The following SVOP variants were observed in gnomAD, a reference collection of about 807,000 sequenced individuals.
SVOP encodes synaptic vesicle 2-related protein.
Under a neutral mutation model 69.1 loss-of-function variants are expected in SVOP, and 17 were observed. The observed-to-expected ratio is 0.25, with a 90% CI of 0.17 to 0.37. The LOEUF is 0.37. Among genes scored for constraint, SVOP ranks in the 10% least tolerant of loss-of-function variants. The pLI is 1.00. For synonymous variants in SVOP, 238 were observed against 238.6 expected, an observed-to-expected ratio of 1.00 and a Z score of 0.02; for missense variants, 435 against 597.5, an observed-to-expected ratio of 0.73 and a Z score of 2.84.
At chr12:108,929,222 C>T (rs2039800788) in intron 11 of SVOP, among the ~76,000 whole-genome samples, 1 of 152,232 alleles carries the variant, frequency 6.6e-6, no homozygotes, top group African/African-American at 2.4e-5. Flanking sequence ...AGTCATAAAA[C>T]CAGGATGAAT....
chr12:108,923,783 C>T (rs148852871), intron 11 of SVOP, among the ~76,000 whole-genome samples: 8 of 152,146 alleles, frequency 5.3e-5, no homozygotes, highest in East Asian at 1.9e-4. Context: ...TTATTGAAAG[C>T]GAATTGGAGT....
At chr12:108,957,166 G>T (rs1001064378) in intron 6 of SVOP, among the ~76,000 whole-genome samples, 7 of 152,156 alleles carry the variant, frequency 4.6e-5, no homozygotes, top group African/African-American at 1.7e-4. Context: ...AAGAGTCTCA[G>T]TAGAATGTCT....
At chr12:108,942,239 G>A (rs1031644018) in intron 7 of SVOP, among the ~76,000 whole-genome samples, 7 of 152,106 alleles carry the variant, frequency 4.6e-5, no homozygotes, top group African/African-American at 1.7e-4. Context: ...GTTTGTCCAC[G>A]CATGTGTTGA....
intron 12 of SVOP, among the ~76,000 whole-genome samples, chr12:108,921,990 G>A (rs533723371): frequency 6.6e-6 from 1 of 152,280 alleles, no homozygotes; most frequent in South Asian, 2.1e-4. Context: ...GATCACCTTT[G>A]CATCACGTGC....
chr12:108,985,317 AAAGG>A (rs1218793829), intron 1 of SVOP, among the ~76,000 whole-genome samples: 2 of 151,144 alleles, frequency 1.3e-5, no homozygotes, highest in Non-Finnish European at 3.0e-5. Flanking sequence ...AAGAAATAAA[AAAGG>A]AAGGAAGGAA....
At chr12:108,997,689 C>A (rs1266870461) in intron 1 of SVOP, among the ~76,000 whole-genome samples, 1 of 151,556 alleles carries the variant, frequency 6.6e-6, no homozygotes, top group South Asian at 2.1e-4. Flanking sequence ...AGGCACCCCC[C>A]AGCAGGGGCA....
intron 4 of SVOP, among the ~76,000 whole-genome samples, chr12:108,975,004 A>G (rs1227200059): frequency 1.3e-5 from 2 of 152,244 alleles, no homozygotes; most frequent in Non-Finnish European, 2.9e-5. Flanking sequence ...TTTCATGTCA[A>G]TGTAAAAACA....
intron 4 of SVOP, among the ~76,000 whole-genome samples, chr12:108,974,216 T>A (rs1185988315): frequency 1.3e-5 from 2 of 152,238 alleles, no homozygotes; most frequent in African/African-American, 4.8e-5. Context: ...GAACCCTGTC[T>A]CACTTTAGCA....
Position 108,974,130 on chromosome 12 carries a change from T to A in SVOP, c.382-1654A>T, listed in dbSNP as rs561675731. ...CAAAACTCCTTCAGTTCCTCAAAAC[T>A]TTTTTTTATGTGAACAAAGCTTTTC... is the stretch of plus-strand genomic sequence containing the variant. On this transcript the variant is annotated intron_variant, in intron 4 of 15. Transcript: ENST00000610966. 1.2e-3 allele frequency among the ~76,000 whole-genome samples: 182 copies of A among 152,188 alleles called. 1 individual carries two copies. Among genetic ancestry groups the A allele is most frequent in the African/African-American group, 4.2e-3 (173 of 41,530 alleles).
chr12:108,988,106 G>A (rs957699059), intron 1 of SVOP, among the ~76,000 whole-genome samples: 13 of 150,602 alleles, frequency 8.6e-5, no homozygotes, highest in Non-Finnish European at 1.6e-4. Flanking sequence ...TTCTTTTTTT[G>A]TAGAGATGAG....
At chr12:108,919,602 G>C in intron 13 of SVOP, 73 bp downstream of exon 13, 4 of 1,215,098 alleles carry the variant, frequency 3.3e-6, no homozygotes, top group Non-Finnish European at 4.7e-6. Context: ...ACATCTACCT[G>C]GGCCTGCACC....
chr12:108,912,084 A>G lies in SVOP; in HGVS notation c.*451T>C. 1 of 790,416 alleles carries G rather than the reference A, an allele frequency of 1.3e-6. No individual in the cohort carries two copies. Among genetic ancestry groups the G allele is most frequent in the Non-Finnish European group, 1.5e-6 (1 of 648,258 alleles). The allele number at this position is 790,416 out of a possible 1,614,324, so 49.0% of individuals were successfully genotyped here. ...AGATCGCCTGCAATTTCAAAGAAGA[A>G]AGCCTGGGGCTGTGAGTGTGGGAGA... is the stretch of plus-strand genomic sequence containing the variant. On this transcript the variant is annotated 3_prime_UTR_variant, in exon 16 of 16. Coordinates refer to ENST00000610966, the MANE Select transcript of SVOP (RefSeq NM_018711.5).
chr12:108,993,378 CAAAAAAAAA>C (rs371842542), intron 1 of SVOP, among the ~76,000 whole-genome samples: 1 of 139,926 alleles, frequency 7.1e-6, no homozygotes, highest in Non-Finnish European at 1.5e-5. Context: ...ATTTTGCCTT[CAAAAAAAAA>C]AAAAAAGAAA....
chr12:108,972,357 C>T, intron 5 of SVOP, 48 bp downstream of exon 5: 2 of 1,527,566 alleles, frequency 1.3e-6, no homozygotes, highest in Non-Finnish European at 1.8e-6. Flanking sequence ...CAGACCATCA[C>T]CAAGACAACC....
chr12:108,957,563 T>A (rs974071623), intron 6 of SVOP, among the ~76,000 whole-genome samples: 2 of 152,104 alleles, frequency 1.3e-5, no homozygotes, highest in African/African-American at 4.8e-5. Flanking sequence ...GCTCCTTGGG[T>A]CCCATGTCAG....
At chr12:108,988,920 A>G (rs1395052236) in intron 1 of SVOP, among the ~76,000 whole-genome samples, 1 of 147,358 alleles carries the variant, frequency 6.8e-6, no homozygotes, top group African/African-American at 2.5e-5. Context: ...CTACAGGCGC[A>G]TGCCACCACA....
At chr12:108,934,361 G>A (rs2039843451) in intron 10 of SVOP, 90 bp from the exon 11 acceptor site, 3 of 1,092,986 alleles carry the variant, frequency 2.7e-6, no homozygotes, top group Non-Finnish European at 4.0e-6. Flanking sequence ...AATGTCTACA[G>A]CAGCAGGGAC....
intron 10 of SVOP, among the ~76,000 whole-genome samples, chr12:108,934,868 C>A (rs1443972401): frequency 1.3e-5 from 2 of 152,322 alleles, no homozygotes; most frequent in Middle Eastern, 3.4e-3. Flanking sequence ...AAGAAATAAC[C>A]ATAAAAATGG....
intron 7 of SVOP, among the ~76,000 whole-genome samples, chr12:108,942,621 T>A (rs2039897860): frequency 6.6e-6 from 1 of 152,252 alleles, no homozygotes; most frequent in South Asian, 2.1e-4. Flanking sequence ...GCTGCATCTG[T>A]CAGCTGAGGG....
Sources: gnomAD v4.1 joint callset for allele counts (sites outside exome capture counted in the v4.1 genomes callset) on GRCh38, gnomAD v4.1.1 for gene constraint, MANE v1.5 for transcripts, NCBI Gene and HGNC (gene_info 2026-07-23, HGNC 2026-07-21) for gene names.